The following CCDC148 variants were observed in gnomAD, a reference collection of about 807,000 sequenced individuals.
CCDC148 encodes coiled-coil domain containing 148.
A neutral mutation model predicts 85.7 loss-of-function variants in CCDC148; 89 were observed. The ratio of observed to expected loss-of-function variants is 1.04; its 90% confidence interval spans 0.87 to 1.24. CCDC148 has a LOEUF of 1.24. CCDC148 is among the 50% of genes most tolerant of loss of function. The pLI, the probability that CCDC148 is intolerant of heterozygous loss-of-function variation, is 0.00. For missense variants in CCDC148, 692 were observed against 671.7 expected (o/e 1.03, Z -0.33); for synonymous variants, 230 against 213.9 (o/e 1.08, Z -0.66).
At chr2:158,278,519 G>T (rs559545181) in intron 9 of CCDC148, among the ~76,000 whole-genome samples, 1 of 152,340 alleles carries the variant, frequency 6.6e-6, no homozygotes, top group Non-Finnish European at 1.5e-5. Context: ...GAGTCTCACG[G>T]ATTGCTAGCA....
intron 9 of CCDC148, among the ~76,000 whole-genome samples, chr2:158,270,274 GAAT>G (rs1393290079): frequency 6.6e-6 from 1 of 152,100 alleles, no homozygotes; most frequent in African/African-American, 2.4e-5. Flanking sequence ...ATCCTCATGA[GAAT>G]AATATGAAAA....
chr2:158,301,734 T>C (rs1417370619), intron 9 of CCDC148, among the ~76,000 whole-genome samples: 2 of 151,660 alleles, frequency 1.3e-5, no homozygotes, highest in Non-Finnish European at 2.9e-5. Context: ...TGTCAAAGAG[T>C]GGATCGTCAA....
chr2:158,213,428 T>C (rs1447842294), intron 11 of CCDC148, among the ~76,000 whole-genome samples: 1 of 152,188 alleles, frequency 6.6e-6, no homozygotes, highest in African/African-American at 2.4e-5. Flanking sequence ...GATAAGTAGA[T>C]GAAAGGCCAC....
chr2:158,224,895 C>A (rs1217968874), intron 10 of CCDC148, among the ~76,000 whole-genome samples: 1 of 152,022 alleles, frequency 6.6e-6, no homozygotes, highest in Non-Finnish European at 1.5e-5. Context: ...ACTGCATCAA[C>A]TAACGAGCAA....
intron 9 of CCDC148, among the ~76,000 whole-genome samples, chr2:158,293,071 G>T (rs951714709): frequency 6.6e-6 from 1 of 152,134 alleles, no homozygotes; most frequent in Non-Finnish European, 1.5e-5. Context: ...TGCACATTGT[G>T]CACATGTACT....
intron 1 of CCDC148, among the ~76,000 whole-genome samples, chr2:158,375,117 T>C (rs536202286): frequency 3.3e-4 from 50 of 152,172 alleles, no homozygotes; most frequent in Non-Finnish European, 6.6e-4. Context: ...TATTAGAGTC[T>C]ATAAAGATTA....
At chr2:158,197,883 G>T (rs577043038) in intron 11 of CCDC148, among the ~76,000 whole-genome samples, 1 of 151,784 alleles carries the variant, frequency 6.6e-6, no homozygotes, top group Admixed American at 6.6e-5. Context: ...TCATTAACTG[G>T]TTAATGCAAT....
intron 11 of CCDC148, among the ~76,000 whole-genome samples, chr2:158,212,091 G>C (rs1686609469): frequency 6.6e-6 from 1 of 152,040 alleles, no homozygotes; most frequent in Non-Finnish European, 1.5e-5. Context: ...CTGCTAATTT[G>C]CAAAACATTT....
intron 9 of CCDC148, among the ~76,000 whole-genome samples, chr2:158,285,288 C>CA (rs536016379): frequency 0.17 from 16,090 of 96,058 alleles, 1,046 homozygotes; most frequent in Middle Eastern, 0.2. Context: ...AACTCCATTT[C>CA]AAAAAAAAAA....
chr2:158,445,341 C>T (rs377101579), intron 1 of CCDC148, among the ~76,000 whole-genome samples: 7 of 151,880 alleles, frequency 4.6e-5, no homozygotes, highest in East Asian at 1.9e-4. Context: ...TTATTTATGT[C>T]CTACTTTTAC....
intron 3 of CCDC148, among the ~76,000 whole-genome samples, chr2:158,343,888 G>A (rs1202417487): frequency 6.6e-6 from 1 of 152,016 alleles, no homozygotes; most frequent in East Asian, 1.9e-4. Context: ...GAGACATTAA[G>A]GTTATCATTA....
At position 158,230,758 on chromosome 2, in the gene CCDC148, G is replaced by A. The variant is rs1009137801; in HGVS notation, c.1252-10045C>T. Among the ~76,000 whole-genome samples the A allele has an allele frequency of 3.9e-5, 6 of 152,244 alleles. 1 individual carries two copies. The highest frequency in any genetic ancestry group is 5.9e-5 in the Non-Finnish European group (4 of 68,022). ...AGACCAGTTAGAAGGAAAAGGCAGC[G>A]CTCGTCCCTGGACTCAGGAGATGGA... is the stretch of plus-strand genomic sequence containing the variant. On this transcript the variant is annotated intron_variant, in intron 10 of 13. Coordinates refer to ENST00000283233, the MANE Select transcript of CCDC148 (RefSeq NM_138803.4).
chr2:158,271,107 G>A (rs1050095633), intron 9 of CCDC148, among the ~76,000 whole-genome samples: 5 of 152,174 alleles, frequency 3.3e-5, no homozygotes, highest in Admixed American at 3.3e-4. Context: ...TCCATTCACT[G>A]TTTCAGCATA....
intron 12 of CCDC148, among the ~76,000 whole-genome samples, chr2:158,177,633 T>A (rs1264679538): frequency 6.6e-6 from 1 of 152,188 alleles, no homozygotes; most frequent in Non-Finnish European, 1.5e-5. Flanking sequence ...TTAAGTCTTG[T>A]ACCCAGAAGG....
At chr2:158,214,267 C>T (rs571697142) in intron 11 of CCDC148, among the ~76,000 whole-genome samples, 52 of 152,216 alleles carry the variant, frequency 3.4e-4, no homozygotes, top group Admixed American at 1.2e-3. Context: ...ATTTCGCTAT[C>T]CAGTTTGCTC....
At chr2:158,263,465 T>C (rs1689320496) in intron 9 of CCDC148, among the ~76,000 whole-genome samples, 1 of 152,046 alleles carries the variant, frequency 6.6e-6, no homozygotes, top group Non-Finnish European at 1.5e-5. Flanking sequence ...ATATGCTCCC[T>C]GTATTCTGGG....
intron 12 of CCDC148, 32 bp downstream of exon 12, chr2:158,178,847 A>G (rs1309304826): frequency 6.8e-7 from 1 of 1,473,012 alleles, no homozygotes; most frequent in Non-Finnish European, 9.5e-7. Flanking sequence ...TTTTAAAAAA[A>G]CCACCCATGA....
chr2:158,450,030 A>T (rs1338443997), intron 1 of CCDC148, among the ~76,000 whole-genome samples: 1 of 151,914 alleles, frequency 6.6e-6, no homozygotes, highest in Non-Finnish European at 1.5e-5. Context: ...CTACAGACAA[A>T]TGTGGCAGTT....
chr2:158,335,139 C>G (rs1682297771), intron 7 of CCDC148, among the ~76,000 whole-genome samples: 1 of 152,170 alleles, frequency 6.6e-6, no homozygotes, highest in South Asian at 2.1e-4. Context: ...TCCAGGACTC[C>G]TGAGGCCCTG....
Sources: allele counts gnomAD v4.1 joint callset (sites outside exome capture counted in the v4.1 genomes callset), GRCh38; gene constraint gnomAD v4.1.1; transcripts MANE v1.5; gene names NCBI Gene and HGNC (gene_info 2026-07-23, HGNC 2026-07-21).